The following DUOX1 variants were observed in gnomAD, a reference collection of about 807,000 sequenced individuals.
DUOX1 encodes the protein dual oxidase 1.
A neutral mutation model predicts 181.8 loss-of-function variants in DUOX1; 134 were observed. The ratio of observed to expected loss-of-function variants is 0.74; its 90% CI spans 0.64 to 0.85. The LOEUF is 0.85. Ranked by LOEUF, DUOX1 falls within the 40% of genes least tolerant of loss-of-function variation. The probability of loss-of-function intolerance (pLI) is 0.00; values close to 1 mark genes in which losing one functional copy is unlikely to be tolerated. For synonymous variants in DUOX1, 798 were observed against 832.5 expected (o/e 0.96, Z 0.71); for missense variants, 1,814 against 2,064.4 (o/e 0.88, Z 2.35).
chr15:45,155,708 G>A, intron 27 of DUOX1, 94 bp from the exon 28 acceptor site: 1 of 1,565,454 alleles, frequency 6.4e-7, no homozygotes, highest in Non-Finnish European at 8.7e-7. Context: ...ACTCCAACTT[G>A]GGCAGTGGAG....
chr15:45,133,971 A>C (rs953676163), intron 3 of DUOX1, 24 bp downstream of exon 3: 2 of 1,611,406 alleles, frequency 1.2e-6, no homozygotes, highest in South Asian at 2.2e-5. Flanking sequence ...AAGTGGGGAT[A>C]GAACCCCAGG....
chr15:45,147,843 C>G, intron 19 of DUOX1, 61 bp from the exon 20 acceptor site: 1 of 1,550,622 alleles, frequency 6.4e-7, no homozygotes, highest in Non-Finnish European at 8.9e-7. Flanking sequence ...CCCCTTTTGG[C>G]CAGCCTGGGG....
chr15:45,152,914 G>C (rs990064609), intron 25 of DUOX1: 2 of 351,604 alleles, frequency 5.7e-6, no homozygotes, highest in Non-Finnish European at 1.1e-5. Context: ...GTAGGGCCAG[G>C]TGATTGTTTA....
intron 17 of DUOX1, 106 bp from the exon 18 acceptor site, chr15:45,144,789 C>T (rs1413412206): frequency 5.6e-5 from 68 of 1,213,988 alleles, no homozygotes; most frequent in Non-Finnish European, 1.3e-5. Flanking sequence ...AAATAATATC[C>T]CTTTTTCAAG....
rs142893265 is a variant in DUOX1, at chr15:45,131,758, C to T, written c.-49-160C>T. 596 of 598,812 alleles carry T rather than the reference C, an allele frequency of 1.0e-3. 3 individuals are homozygous for T. The highest frequency in any genetic ancestry group is 9.9e-3 in the African/African-American group (532 of 53,648). The allele number at this position is 598,812 out of a possible 1,614,324, so 37.1% of individuals were successfully genotyped here. A position where few individuals can be genotyped will look rare whatever the true frequency, so the allele number is the denominator to read the frequency against. ...GTAGTGGTGCTCATGAAGTATTTGC[C>T]GAATCAATTAAAGAATTTTCGGAAA... On this transcript the variant is annotated intron_variant, in intron 1 of 33. Transcript: ENST00000389037.
chr15:45,133,760 C>T, intron 2 of DUOX1, 104 bp from the exon 3 acceptor site: 2 of 964,606 alleles, frequency 2.1e-6, no homozygotes, highest in Non-Finnish European at 3.2e-6. Flanking sequence ...TATCCACTTT[C>T]TGCTGCTCCA....
At chr15:45,141,489 G>A (rs571525622) in intron 14 of DUOX1, 79 bp downstream of exon 14, 2 of 1,445,550 alleles carry the variant, frequency 1.4e-6, no homozygotes, top group African/African-American at 2.8e-5. Flanking sequence ...GGCTCAATGT[G>A]GCTGAACGTC....
At chr15:45,158,046 G>A (rs1897006599) in intron 28 of DUOX1, among the ~76,000 whole-genome samples, 1 of 152,188 alleles carries the variant, frequency 6.6e-6, no homozygotes, top group African/African-American at 2.4e-5. Context: ...CCAGGCTTCT[G>A]ATCCAGGCAG....
intron 21 of DUOX1, among the ~76,000 whole-genome samples, chr15:45,149,781 G>A (rs1402635272): frequency 1.3e-5 from 2 of 152,192 alleles, no homozygotes; most frequent in Non-Finnish European, 2.9e-5. Flanking sequence ...GAACCAGGAG[G>A]CGGAGGCTGT....
rs372398306 is a variant in DUOX1, at chr15:45,144,966, C to T, written c.2208C>T (p.Ser736=). ...ATCTCCGGGGAGCTCTGAAGGAGAG[C>T]GGGTTGAGCATCCAGGAGTGGGAGC... ...VENLRGALKE[S]GLSIQEWELR... Residue 736 remains serine, a synonymous_variant, in exon 18 of 34, where the codon AGC becomes AGT. Transcript: ENST00000389037. 3.1e-6 allele frequency: 5 copies of T among 1,613,642 alleles called. No individual in the cohort carries two copies. The highest frequency in any genetic ancestry group is 2.2e-5 in the East Asian group (1 of 44,830).
At position 45,139,147 on chromosome 15, in the gene DUOX1, G is replaced by C. The variant is rs749086681; in HGVS notation, c.1195G>C (p.Val399Leu). The change falls in exon 11 of 34, where the codon GTG becomes CTG. Residue 399 changes from valine (V) to leucine (L), a missense_variant. By Grantham distance (32) the Val-to-Leu change is conservative. Around this residue, in one of 5 missense-constraint regions of DUOX1, gnomAD observed 1,064 missense variants for 1,152.9 expected, o/e 0.92. Transcript: ENST00000389037. ...CCAGATCGCAGAGCGAGAGGACCAT[G>C]TGTTGGTTGAAGATGTGCGGGGTGA... ...ASQIAEREDH[V>L]LVEDVRDFWP... The C allele has an allele frequency of 8.1e-6, 13 of 1,614,114 alleles. No homozygotes were observed. In the African/African-American group the frequency reaches 1.7e-4, roughly 22 times the overall value.
At chr15:45,158,281 T>C (rs1046193834) in intron 28 of DUOX1, among the ~76,000 whole-genome samples, 2 of 152,070 alleles carry the variant, frequency 1.3e-5, no homozygotes, top group Non-Finnish European at 2.9e-5. Context: ...AACAGTGAAC[T>C]TGGGGAAGAA....
chr15:45,164,817 C>T lies in DUOX1; in HGVS notation c.4572C>T (p.Gly1524=). 6.2e-7 allele frequency: 1 copy of T among 1,614,132 alleles called. No individual in the cohort carries two copies. ...KIGVFSCGPP[G]MTKNVEKACQ... is the part of the protein sequence containing the mutation. ...GGGTGTTTAGCTGTGGCCCCCCTGG[C>T]ATGACCAAGAATGTGGAAAAGGCCT... Residue 1524 remains glycine, a synonymous_variant, in exon 34 of 34, where the codon GGC becomes GGT. Coordinates refer to ENST00000389037, the MANE Select transcript of DUOX1 (RefSeq NM_175940.3).
chr15:45,162,084 T>C, intron 30 of DUOX1, 114 bp downstream of exon 30: 1 of 1,457,820 alleles, frequency 6.9e-7, no homozygotes, highest in Non-Finnish European at 9.4e-7. Flanking sequence ...TAGAGACTGG[T>C]TGTTCCAGAT....
At chr15:45,152,254 C>T (rs1458054473) in intron 24 of DUOX1, 32 bp from the exon 25 acceptor site, 1 of 1,591,468 alleles carries the variant, frequency 6.3e-7, no homozygotes, top group Non-Finnish European at 8.6e-7. Context: ...TCTGCACTGA[C>T]CCTCGCTTGC....
chr15:45,154,157 G>A (rs1195742678), intron 27 of DUOX1, among the ~76,000 whole-genome samples, 157 bp downstream of exon 27: 2 of 152,188 alleles, frequency 1.3e-5, no homozygotes, highest in African/African-American at 2.4e-5. Context: ...GTGGGCAGGA[G>A]ACTTAGACTA....
intron 10 of DUOX1, chr15:45,138,700 A>C: frequency 5.1e-6 from 1 of 195,426 alleles, no homozygotes. Context: ...TTATTAAGGG[A>C]AGGAAACTGA....
intron 18 of DUOX1, among the ~76,000 whole-genome samples, 195 bp from the exon 19 acceptor site, chr15:45,147,238 T>C (rs1896676681): frequency 6.6e-6 from 1 of 152,204 alleles, no homozygotes; most frequent in Non-Finnish European, 1.5e-5. Context: ...TCCAAGTGAG[T>C]TCCCTGTCCA....
At position 45,139,079 on chromosome 15, in the gene DUOX1, A is replaced by C; in HGVS notation, c.1127A>C (p.Gln376Pro). The change falls in exon 11 of 34, where the codon CAA becomes CCA. Residue 376 changes from glutamine (Q) to proline (P), a missense_variant. Coordinates refer to ENST00000389037, the MANE Select transcript of DUOX1 (RefSeq NM_175940.3). ...CAACCTATAAAGCACCCAAGCCTAC[A>C]AAGTGCTGAAGATGTGGATGCACTG... ...SYWSREHPSLQSAEDVDALLL... is the reference protein window; with the variant it reads ...SYWSREHPSLPSAEDVDALLL... 1 of 1,613,962 alleles carries C rather than the reference A, an allele frequency of 6.2e-7. No individual in the cohort carries two copies. Among genetic ancestry groups the C allele is most frequent in the South Asian group, 1.1e-5 (1 of 91,044 alleles).
Sources: allele counts gnomAD v4.1 joint callset (sites outside exome capture counted in the v4.1 genomes callset), GRCh38; gene constraint gnomAD v4.1.1; regional missense constraint gnomAD v4.1.1; transcripts MANE v1.5; gene names NCBI Gene and HGNC (gene_info 2026-07-23, HGNC 2026-07-21).